Variants in PIEZO2 observed in about 807,000 individuals in gnomAD.
The protein encoded by PIEZO2 is piezo type mechanosensitive ion channel component 2, also known as piezo-type mechanosensitive ion channel component 2.
A neutral mutation model predicts 337.3 loss-of-function variants in PIEZO2; 172 were observed. The ratio of observed to expected loss-of-function variants is 0.51; its 90% CI spans 0.45 to 0.58. The LOEUF (loss-of-function observed/expected upper bound fraction) is 0.58. Ranked by LOEUF, PIEZO2 falls within the 20% of genes least tolerant of loss-of-function variation. The probability of loss-of-function intolerance (pLI) is 0.00; values close to 1 mark genes in which losing one functional copy is unlikely to be tolerated. For missense variants in PIEZO2, 3,028 were observed against 3,391.3 expected (o/e 0.89, Z 2.66); for synonymous variants, 1,251 against 1,228.5 (o/e 1.02, Z -0.38).
At chr18:10,693,508 T>A (rs964184256) in intron 47 of PIEZO2, among the ~76,000 whole-genome samples, 1 of 150,784 alleles carries the variant, frequency 6.6e-6, no homozygotes, top group Non-Finnish European at 1.5e-5. Context: ...TAGCTGGGAC[T>A]ATAGGCGCGC....
intron 1 of PIEZO2, among the ~76,000 whole-genome samples, chr18:11,098,456 A>G (rs1298436353): frequency 6.6e-6 from 1 of 151,442 alleles, no homozygotes; most frequent in Non-Finnish European, 1.5e-5. Context: ...TGTATAAAAC[A>G]AAAAGAAAGT....
intron 39 of PIEZO2, 91 bp downstream of exon 39, chr18:10,714,673 C>G: frequency 7.0e-7 from 1 of 1,428,730 alleles, no homozygotes; most frequent in Non-Finnish European, 9.4e-7. Flanking sequence ...TTTTGATGAA[C>G]TTTCACCTCA....
rs781693355 is a variant in PIEZO2, at chr18:10,675,300, GA to G, written c.8082-13del. ...TCTTTTCTATGGTCCTGTACATTAAGAAAAAAAAGATACAATTACGTTTTAG... is the reference window on the plus strand; with the variant it reads ...TCTTTTCTATGGTCCTGTACATTAAGAAAAAAAGATACAATTACGTTTTAG... On this transcript the variant is annotated splice_polypyrimidine_tract_variant and intron_variant, in intron 53 of 55. Transcript: ENST00000674853. The G allele has an allele frequency of 3.2e-5, 45 of 1,402,134 alleles. No homozygotes were observed. Among genetic ancestry groups the G allele is most frequent in the African/African-American group, 1.0e-4 (7 of 67,110 alleles). 86.9% of individuals were successfully genotyped at this position (1,402,134 alleles called of 1,614,324 possible).
rs1027821848 is a variant in PIEZO2 at position 11,101,416 on chromosome 18, T to TA, written c.65-35195dup. On this transcript the variant is annotated intron_variant, in intron 1 of 55. Coordinates refer to ENST00000674853, the MANE Select transcript of PIEZO2 (RefSeq NM_001378183.1). The surrounding 1 kb of genome is among the most constrained non-coding windows in gnomAD (Gnocchi z 4.4). ...GTTCCCTTAAAGTTATAGGATAACA[T>TA]AAAAAACCTCTGTTTTCAGCAAATT... Among the ~76,000 whole-genome samples the TA allele has an allele frequency of 5.9e-5, 9 of 152,186 alleles. No individual in the cohort carries two copies. The highest frequency in any genetic ancestry group is 1.0e-4 in the Non-Finnish European group (7 of 68,024).
intron 30 of PIEZO2, among the ~76,000 whole-genome samples, chr18:10,745,654 C>T (rs1393886415): frequency 6.6e-6 from 1 of 152,128 alleles, no homozygotes; most frequent in Non-Finnish European, 1.5e-5. Context: ...GCTCAGGCTG[C>T]TCGGTCTTTT....
chr18:10,769,367 A>G (rs2038500542), intron 21 of PIEZO2, among the ~76,000 whole-genome samples: 1 of 152,234 alleles, frequency 6.6e-6, no homozygotes, highest in Admixed American at 6.5e-5. Context: ...GTTCTAGTTT[A>G]GACTATGGAG....
chr18:10,715,887 CGATG>C, intron 37 of PIEZO2, 71 bp from the exon 38 acceptor site: 1 of 1,272,942 alleles, frequency 7.9e-7, no homozygotes, highest in Non-Finnish European at 1.1e-6. Context: ...TGTAGCCCAG[CGATG>C]TTTTACCAAA....
At position 10,878,419 on chromosome 18, in the gene PIEZO2, A is replaced by G. The variant is rs1015733295; in HGVS notation, c.330-7004T>C. 4.6e-5 allele frequency among the ~76,000 whole-genome samples: 7 copies of G among 152,210 alleles called. No homozygotes were observed. Among genetic ancestry groups the G allele is most frequent in the Non-Finnish European group, 8.8e-5 (6 of 68,042 alleles). ...ACAAACACTAAGAGGAGGGAACATT[A>G]CTGTTGCCTGGTAATGGCATTGAGA... is the stretch of plus-strand genomic sequence containing the variant. On this transcript the variant is annotated intron_variant, in intron 4 of 55. Coordinates refer to ENST00000674853, the MANE Select transcript of PIEZO2 (RefSeq NM_001378183.1). The surrounding 1 kb of genome is among the most constrained non-coding windows in gnomAD (Gnocchi z 4.3).
chr18:11,025,877 A>T (rs770690629), intron 2 of PIEZO2, among the ~76,000 whole-genome samples: 5 of 152,128 alleles, frequency 3.3e-5, no homozygotes, highest in Non-Finnish European at 5.9e-5. Flanking sequence ...GGTGTGGAAG[A>T]GGGAGTTCAG....
intron 52 of PIEZO2, among the ~76,000 whole-genome samples, 187 bp from the exon 53 acceptor site, chr18:10,678,062 A>G (rs2034093276): frequency 6.6e-6 from 1 of 152,246 alleles, no homozygotes; most frequent in Non-Finnish European, 1.5e-5. Context: ...GAGTTAATAG[A>G]ACCCAAGGAG....
Position 10,704,639 on chromosome 18 carries a change from C to G in PIEZO2, c.6013G>C (p.Asp2005His), listed in dbSNP as rs199842060. The change falls in exon 42 of 56, where the codon GAT (aspartate) becomes CAT (histidine). Residue 2005 changes from aspartate to histidine, a missense_variant. By Grantham distance (81) the Asp-to-His change is moderately conservative (BLOSUM62 -1). Transcript: ENST00000674853. ...AATTTCTCTGACTCTTCAAGCTCAT[C>G]GTCGTGAAACATCCTGTTAAAGCAA... The part of the protein sequence containing the change: ...ELLLKKMFHD[D>H]ELEESEKFYV... 6.5e-7 allele frequency: 1 copy of G among 1,536,370 alleles called. No homozygotes were observed.
intron 7 of PIEZO2, among the ~76,000 whole-genome samples, chr18:10,816,978 T>C (rs2040383977): frequency 6.6e-6 from 1 of 152,196 alleles, no homozygotes; most frequent in Admixed American, 6.5e-5. Flanking sequence ...CAATTATAAA[T>C]GGTGCAGGTT....
chr18:10,886,498 A>ATATATGTATATATATATATATATATAT (rs2042610317), intron 4 of PIEZO2, among the ~76,000 whole-genome samples: 1 of 121,690 alleles, frequency 8.2e-6, no homozygotes, highest in African/African-American at 3.5e-5. Flanking sequence ...ATATATATAT[A>ATATATGTATATATATATATATATATAT]CGCATATACA....
intron 55 of PIEZO2, 72 bp from the exon 56 acceptor site, chr18:10,671,851 G>T (rs2033793576): frequency 7.6e-7 from 1 of 1,314,404 alleles, no homozygotes; most frequent in Non-Finnish European, 1.0e-6. Context: ...ATGTCTAAAA[G>T]AAAAAAATAT....
intron 3 of PIEZO2, among the ~76,000 whole-genome samples, chr18:10,920,770 C>T (rs2031337540): frequency 6.6e-6 from 1 of 152,140 alleles, no homozygotes; most frequent in African/African-American, 2.4e-5. Context: ...TAAGAATGTG[C>T]AGGCCAGGCA....
chr18:10,748,385 A>G lies in PIEZO2; in HGVS notation c.4424+86T>C, dbSNP rs1598429329. ...TTTCTTAACTTCTTGTGGGTTCTAG[A>G]AGCAAGCTCAGACAGAAATGATAGT... is the stretch of plus-strand genomic sequence containing the variant. On this transcript the variant is annotated intron_variant, in intron 30 of 55. Coordinates refer to ENST00000674853, the MANE Select transcript of PIEZO2 (RefSeq NM_001378183.1). The surrounding 1 kb of genome is among the most constrained non-coding windows in gnomAD (Gnocchi z 5.1). 3.7e-6 allele frequency: 5 copies of G among 1,359,888 alleles called. No individual in the cohort carries two copies. The East Asian group carries it at 1.3e-4, about 34-fold the overall frequency. 84.2% of individuals were successfully genotyped at this position (1,359,888 alleles called of 1,614,324 possible).
chr18:10,780,494 C>G, intron 17 of PIEZO2, 128 bp from the exon 18 acceptor site: 1 of 635,758 alleles, frequency 1.6e-6, no homozygotes, highest in East Asian at 2.7e-5. Flanking sequence ...GTGTAGCCAC[C>G]CTCACAGGCT....
At chr18:11,133,808 G>GTGTA (rs1555720750) in intron 1 of PIEZO2, among the ~76,000 whole-genome samples, 9 of 147,014 alleles carry the variant, frequency 6.1e-5, no homozygotes, top group African/African-American at 1.0e-4. Flanking sequence ...ATATATGTGT[G>GTGTA]TATATATATA....
intron 36 of PIEZO2, among the ~76,000 whole-genome samples, chr18:10,723,793 G>A (rs1418452688): frequency 6.6e-6 from 1 of 152,212 alleles, no homozygotes; most frequent in Non-Finnish European, 1.5e-5. Context: ...GGACAAGGCA[G>A]AGATTGGCTT....
Sources: allele counts gnomAD v4.1 joint callset (sites outside exome capture counted in the v4.1 genomes callset), GRCh38; gene constraint gnomAD v4.1.1; non-coding constraint Gnocchi (gnomAD v3.1); transcripts MANE v1.5; gene names NCBI Gene and HGNC (gene_info 2026-07-23, HGNC 2026-07-21).